NXN: variants seen among roughly 807,000 people sequenced by gnomAD.
NXN encodes the protein nucleoredoxin 1.
NXN carries 16 observed loss-of-function variants against 48.6 expected under a neutral mutation model. The observed-to-expected ratio is 0.33, with a 90% CI of 0.22 to 0.50. The LOEUF is 0.50. Among genes scored for constraint, NXN ranks in the 20% least tolerant of loss-of-function variants. NXN has a pLI of 0.98. For missense variants in NXN, 492 were observed against 605.5 expected, an observed-to-expected ratio of 0.81 and a Z score of 1.97; for synonymous variants, 281 against 269.6, an observed-to-expected ratio of 1.04 and a Z score of -0.41.
At chr17:906,727 C>T (rs1239113687) in intron 1 of NXN, among the ~76,000 whole-genome samples, 1 of 149,226 alleles carries the variant, frequency 6.7e-6, no homozygotes, top group Non-Finnish European at 1.5e-5. Context: ...CCACCACACC[C>T]GGACAACTTT....
intron 1 of NXN, chr17:842,406 T>C (rs1049276801): frequency 3.8e-6 from 2 of 533,042 alleles, no homozygotes; most frequent in African/African-American, 4.2e-5. Flanking sequence ...GTGCTGCACA[T>C]GGCCGGGAGC....
At chr17:896,859 C>CGGGGCG in intron 1 of NXN, 3 of 541,038 alleles carry the variant, frequency 5.5e-6, no homozygotes, top group South Asian at 1.7e-5. Flanking sequence ...TCCTGACCAC[C>CGGGGCG]CGCCCCCGGC....
intron 1 of NXN, 125 bp downstream of exon 1, chr17:979,194 G>C: frequency 3.4e-6 from 1 of 291,136 alleles, no homozygotes; most frequent in Non-Finnish European, 5.3e-6. Flanking sequence ...GGCAGGGGTC[G>C]GGGGGTGGAG....
At chr17:812,843 GGT>G (rs1394215913) in intron 5 of NXN, among the ~76,000 whole-genome samples, 5 of 146,160 alleles carry the variant, frequency 3.4e-5, no homozygotes, top group East Asian at 2.1e-4. Flanking sequence ...TGTGAGTGTA[GGT>G]GTGTGCATGT....
Position 917,161 on chromosome 17 carries a change from C to CTTT in NXN, c.360+62155_360+62157dup. ...AGGTGTTCCACGCCTGAGCTCACAT[C>CTTT]TTTTTTTTTTTTTTCTGTAGCCCAG... On this transcript the variant is annotated intron_variant, in intron 1 of 7. Transcript: ENST00000336868. This position sits in a 1 kb window ranked among gnomAD's most constrained non-coding sequence, Gnocchi z 4.5. Among the ~76,000 whole-genome samples, 1 of 145,298 alleles carries CTTT rather than the reference C, an allele frequency of 6.9e-6. No individual in the cohort carries two copies. The highest frequency in any genetic ancestry group is 2.5e-5 in the African/African-American group (1 of 40,088).
intron 1 of NXN, among the ~76,000 whole-genome samples, chr17:844,622 T>TCA (rs1474926928): frequency 1.3e-5 from 2 of 152,162 alleles, no homozygotes; most frequent in Non-Finnish European, 2.9e-5. Flanking sequence ...TCTCCTTCTG[T>TCA]CACCCAGGCT....
chr17:888,962 CAAAAA>C (rs71145786), intron 1 of NXN, among the ~76,000 whole-genome samples: 2 of 101,410 alleles, frequency 2.0e-5, no homozygotes, highest in Admixed American at 1.1e-4. Flanking sequence ...AACTCCATCT[CAAAAA>C]AAAAAAAAAA....
chr17:908,146 A>T (rs2068598196), intron 1 of NXN: 1 of 152,232 alleles, frequency 6.6e-6, no homozygotes, highest in Non-Finnish European at 1.5e-5. Flanking sequence ...TGTTCCCCAG[A>T]GACGGCTCAC....
At chr17:925,775 A>G (rs903277259) in intron 1 of NXN, among the ~76,000 whole-genome samples, 1 of 152,192 alleles carries the variant, frequency 6.6e-6, no homozygotes, top group African/African-American at 2.4e-5. Flanking sequence ...CACCTCACTC[A>G]TACAAACGTT....
intron 1 of NXN, among the ~76,000 whole-genome samples, chr17:844,637 T>G (rs563171610): frequency 6.6e-6 from 1 of 152,172 alleles, no homozygotes; most frequent in East Asian, 1.9e-4. Context: ...CAGGCTGGAG[T>G]GCAGTGGTGC....
chr17:879,828 T>C (rs1258701178), intron 1 of NXN: 1 of 152,066 alleles, frequency 6.6e-6, no homozygotes, highest in African/African-American at 2.4e-5. Context: ...AGAAAGAATG[T>C]GGCCAAGTAT....
Position 863,804 on chromosome 17 carries a change from C to T in NXN, c.361-37726G>A, listed in dbSNP as rs1023924710. 21 of 702,892 alleles carry T rather than the reference C, an allele frequency of 3.0e-5. No individual in the cohort carries two copies. In the African/African-American group the frequency reaches 3.5e-4, roughly 12 times the overall value. 43.5% of individuals were successfully genotyped at this position (702,892 alleles called of 1,614,324 possible). On this transcript the variant is annotated intron_variant, in intron 1 of 7. Transcript: ENST00000336868. ...TTCACATCTGGTTGAAAAAAGTCCA[C>T]ATACAAATGGACCCTTGCAATTCAA...
intron 5 of NXN, among the ~76,000 whole-genome samples, chr17:812,459 G>C (rs1912121689): frequency 6.6e-6 from 1 of 152,340 alleles, no homozygotes; most frequent in Middle Eastern, 3.4e-3. Flanking sequence ...TGAGACCCCA[G>C]GGCACAGACA....
chr17:864,088 C>T (rs1213204206), intron 1 of NXN: 8 of 1,411,858 alleles, frequency 5.7e-6, no homozygotes, highest in Middle Eastern at 1.8e-4. Context: ...TACCGTTGCT[C>T]GGTTCCGGTG....
chr17:913,399 T>C (rs185035978), intron 1 of NXN, among the ~76,000 whole-genome samples: 1 of 152,258 alleles, frequency 6.6e-6, no homozygotes, highest in Non-Finnish European at 1.5e-5. Context: ...GGGAACCCTT[T>C]TTGCCTCTAG....
intron 5 of NXN, chr17:819,230 G>A: frequency 1.7e-6 from 1 of 573,302 alleles, no homozygotes; most frequent in Non-Finnish European, 3.2e-6. Flanking sequence ...TACAGTGTGA[G>A]CTGCCATGCC....
intron 1 of NXN, among the ~76,000 whole-genome samples, chr17:937,031 T>C (rs72812054): frequency 0.31 from 47,409 of 151,184 alleles, 7,682 homozygotes; most frequent in South Asian, 0.38. Context: ...CCAGCCTGAG[T>C]GACACAGTGA....
intron 1 of NXN, among the ~76,000 whole-genome samples, chr17:846,421 AAAAAAAAAAAG>A (rs1184434971): frequency 6.7e-6 from 1 of 149,436 alleles, no homozygotes; most frequent in African/African-American, 2.4e-5. Context: ...CTCAAAAAAA[AAAAAAAAAAAG>A]AAAAGAAAAA....
At chr17:925,652 G>A (rs2068791376) in intron 1 of NXN, among the ~76,000 whole-genome samples, 1 of 152,210 alleles carries the variant, frequency 6.6e-6, no homozygotes. Flanking sequence ...GTCTCCCAAA[G>A]TGCTGGGATG....
Sources: allele counts gnomAD v4.1 joint callset (sites outside exome capture counted in the v4.1 genomes callset), GRCh38; gene constraint gnomAD v4.1.1; non-coding constraint Gnocchi (gnomAD v3.1); transcripts MANE v1.5; gene names NCBI Gene and HGNC (gene_info 2026-07-23, HGNC 2026-07-21).